Variants in BTBD9 observed in about 807,000 individuals in gnomAD.
BTBD9 encodes the protein BTB/POZ domain-containing protein 9.
A neutral mutation model predicts 64.3 loss-of-function variants in BTBD9; 49 were observed. That is an observed-to-expected ratio of 0.76 (90% CI 0.61 to 0.97). The LOEUF is 0.97. BTBD9 is among the 50% of genes least tolerant of loss of function. BTBD9 has a pLI of 0.00. For missense variants in BTBD9, 598 were observed against 762.1 expected (o/e 0.78, Z 2.53); for synonymous variants, 260 against 274.7 (o/e 0.95, Z 0.53).
chr6:38,318,113 T>G (rs990331273), intron 7 of BTBD9, among the ~76,000 whole-genome samples: 6 of 152,122 alleles, frequency 3.9e-5, no homozygotes, highest in Admixed American at 3.3e-4. Context: ...CAGGCTGGTC[T>G]TGAACTCCTG....
intron 6 of BTBD9, among the ~76,000 whole-genome samples, chr6:38,386,579 G>A (rs1035631984): frequency 5.4e-5 from 8 of 146,942 alleles, no homozygotes; most frequent in African/African-American, 2.0e-4. Context: ...CAATATAAAT[G>A]TAGTAAAATT....
chr6:38,300,840 A>G (rs1260993227), intron 7 of BTBD9, among the ~76,000 whole-genome samples: 1 of 152,168 alleles, frequency 6.6e-6, no homozygotes, highest in African/African-American at 2.4e-5. Context: ...TCCTAATTGA[A>G]TGCCCTTTAT....
At chr6:38,322,620 C>T (rs1434161477) in intron 7 of BTBD9, among the ~76,000 whole-genome samples, 1 of 152,204 alleles carries the variant, frequency 6.6e-6, no homozygotes, top group Non-Finnish European at 1.5e-5. Flanking sequence ...CTTACCCACC[C>T]AGAGGCCAAT....
At chr6:38,566,131 GAT>G (rs1261459456) in intron 6 of BTBD9, 2 of 152,054 alleles carry the variant, frequency 1.3e-5, no homozygotes, top group African/African-American at 4.8e-5. Flanking sequence ...TAAATATAAA[GAT>G]ATATGTGTAA....
intron 9 of BTBD9, among the ~76,000 whole-genome samples, chr6:38,249,208 A>C (rs1159702632): frequency 6.6e-6 from 1 of 152,086 alleles, no homozygotes; most frequent in Admixed American, 6.5e-5. Context: ...TTTCTGAAAA[A>C]AATTACTTAT....
intron 7 of BTBD9, among the ~76,000 whole-genome samples, chr6:38,326,392 G>A (rs1247154330): frequency 1.3e-5 from 2 of 152,116 alleles, no homozygotes; most frequent in Non-Finnish European, 2.9e-5. Context: ...TTCTCCTGAG[G>A]GCAACAGAAA....
chr6:38,341,521 A>C (rs1764098341), intron 7 of BTBD9, among the ~76,000 whole-genome samples: 1 of 152,226 alleles, frequency 6.6e-6, no homozygotes, highest in South Asian at 2.1e-4. Context: ...TAGGGCATTA[A>C]AAAGTGAATT....
At position 38,264,888 on chromosome 6, in the gene BTBD9, G is replaced by A. The variant is rs908685899; in HGVS notation, c.1455-8372C>T. On this transcript the variant is annotated intron_variant, in intron 8 of 10. Transcript: ENST00000481247. ...GTTGCCACTGCAGAGGCCTGCCTCTGAATGGGCCACGACCTTTCAGGGCAA... is the reference window on the plus strand; with the variant it reads ...GTTGCCACTGCAGAGGCCTGCCTCTAAATGGGCCACGACCTTTCAGGGCAA... Among the ~76,000 whole-genome samples the A allele has an allele frequency of 3.9e-5, 6 of 152,272 alleles. No individual in the cohort carries two copies. In the South Asian group the frequency reaches 8.3e-4, roughly 21 times the overall value.
intron 8 of BTBD9, among the ~76,000 whole-genome samples, chr6:38,276,463 C>T (rs945116357): frequency 3.3e-5 from 5 of 151,614 alleles, no homozygotes; most frequent in Non-Finnish European, 7.4e-5. Flanking sequence ...CAAAGCTGCA[C>T]ATTGTGCACA....
At chr6:38,477,307 G>A (rs1221288297) in intron 6 of BTBD9, among the ~76,000 whole-genome samples, 2 of 152,194 alleles carry the variant, frequency 1.3e-5, no homozygotes, top group South Asian at 2.1e-4. Context: ...GACTAAGAGC[G>A]ATTCACTTCA....
At chr6:38,320,498 C>T (rs982646012) in intron 7 of BTBD9, among the ~76,000 whole-genome samples, 3 of 152,182 alleles carry the variant, frequency 2.0e-5, no homozygotes, top group African/African-American at 7.2e-5. Flanking sequence ...AGCTGCTCTT[C>T]CCTTCCCAGC....
chr6:38,536,591 T>C (rs1314327197), intron 6 of BTBD9, among the ~76,000 whole-genome samples: 1 of 152,042 alleles, frequency 6.6e-6, no homozygotes, highest in African/African-American at 2.4e-5. Flanking sequence ...GTCCATCAAC[T>C]GACGAATGGA....
At position 38,429,199 on chromosome 6, in the gene BTBD9, A is replaced by T. The variant is rs981293119; in HGVS notation, c.1155-84106T>A. 2.6e-5 allele frequency among the ~76,000 whole-genome samples: 4 copies of T among 151,300 alleles called. No individual in the cohort carries two copies. The East Asian group carries it at 7.9e-4, about 30-fold the overall frequency. On this transcript the variant is annotated intron_variant, in intron 6 of 10. Transcript: ENST00000481247. ...GCTGGGCATGGTGGCTCACGCCTGT[A>T]ATCCCAGCACTTTGGGAGGCTGAGG...
intron 9 of BTBD9, among the ~76,000 whole-genome samples, chr6:38,241,156 T>C (rs1763980744): frequency 6.6e-6 from 1 of 152,132 alleles, no homozygotes; most frequent in African/African-American, 2.4e-5. Flanking sequence ...CACTGCTAAA[T>C]CCTACAGAGA....
chr6:38,439,097 G>A (rs981125378), intron 6 of BTBD9, among the ~76,000 whole-genome samples: 359 of 145,522 alleles, frequency 2.5e-3, no homozygotes, highest in African/African-American at 6.6e-3. Flanking sequence ...TTGTAGGCTC[G>A]TGTAGCAACT....
At chr6:38,207,489 G>A (rs1462090615) in intron 9 of BTBD9, 1 of 158,094 alleles carries the variant, frequency 6.3e-6, no homozygotes, top group Non-Finnish European at 1.4e-5. Flanking sequence ...TAGGTGTGGT[G>A]GCACATGCTT....
rs2127464550 is a variant in BTBD9 at position 38,170,041 on chromosome 6, A to G, written c.*4944T>C. The G allele has an allele frequency of 6.6e-6, 1 of 152,410 alleles. No individual in the cohort carries two copies. The highest frequency in any genetic ancestry group is 1.9e-4 in the East Asian group (1 of 5,170). The allele number at this position is 152,410 out of a possible 1,614,324, so 9.4% of individuals were successfully genotyped here. A position where few individuals can be genotyped will look rare whatever the true frequency, so the allele number is the denominator to read the frequency against. On this transcript the variant is annotated 3_prime_UTR_variant, in exon 11 of 11. Coordinates refer to ENST00000481247, the MANE Select transcript of BTBD9 (RefSeq NM_001099272.2). ...GGAGGCTGGGCCAGGGAGCACCGTG[A>G]CCAGTGGTGGTCACAGAGGACGTGA...
Position 38,607,553 on chromosome 6 carries a change from T to C in BTBD9, c.-27-9432A>G, listed in dbSNP as rs188101721. Among the ~76,000 whole-genome samples, 4 of 152,258 alleles carry C rather than the reference T, an allele frequency of 2.6e-5. No homozygotes were observed. In the East Asian group the frequency reaches 7.7e-4, roughly 29 times the overall value. On this transcript the variant is annotated intron_variant, in intron 1 of 10. Transcript: ENST00000481247. The stretch of plus-strand genomic sequence containing the variant: ...CTTCACTTGATTGGTTATCAGTAAG[T>C]TGCCAAAGGATATACATAAATGAAA...
intron 4 of BTBD9, among the ~76,000 whole-genome samples, chr6:38,585,806 T>C (rs1027892572): frequency 5.3e-5 from 8 of 152,052 alleles, no homozygotes; most frequent in African/African-American, 1.4e-4. Context: ...CAAAACAACA[T>C]AATTACATTG....
Sources: allele counts gnomAD v4.1 joint callset (sites outside exome capture counted in the v4.1 genomes callset), GRCh38; gene constraint gnomAD v4.1.1; transcripts MANE v1.5; gene names NCBI Gene and HGNC (gene_info 2026-07-23, HGNC 2026-07-21).